SS18: variants seen among roughly 807,000 people sequenced by gnomAD.
The protein encoded by SS18 is protein SSXT.
A neutral mutation model predicts 72.5 loss-of-function variants in SS18; 28 were observed. That is an observed-to-expected ratio of 0.39 (90% CI 0.29 to 0.53). The LOEUF (loss-of-function observed/expected upper bound fraction) is 0.53. Ranked by LOEUF, SS18 falls within the 20% of genes least tolerant of loss-of-function variation. The pLI is 0.76. For missense variants in SS18, 518 were observed against 535.3 expected (o/e 0.97, Z 0.32); for synonymous variants, 172 against 164.2 (o/e 1.05, Z -0.37).
chr18:26,028,546 A>C (rs1404180435), intron 10 of SS18, among the ~76,000 whole-genome samples: 2 of 152,224 alleles, frequency 1.3e-5, no homozygotes, highest in Non-Finnish European at 2.9e-5. Context: ...GTCCCATCTC[A>C]ATGGACAAAC....
intron 5 of SS18, among the ~76,000 whole-genome samples, chr18:26,052,045 G>C (rs1041823832): frequency 6.6e-6 from 1 of 152,162 alleles, no homozygotes. Context: ...TAGCAGAACA[G>C]AGCGCCACTT....
At position 26,024,653 on chromosome 18, in the gene SS18, A is replaced by G. The variant is rs565133298; in HGVS notation, c.1231-6273T>C. Reference sequence around the variant, plus strand: ...ATATGCTTAAAAACCACTGAATGGTATACTTTAGAATGGTGACTTGTATGA... The same window carrying G: ...ATATGCTTAAAAACCACTGAATGGTGTACTTTAGAATGGTGACTTGTATGA... On this transcript the variant is annotated intron_variant, in intron 10 of 10. Coordinates refer to ENST00000415083, the MANE Select transcript of SS18 (RefSeq NM_001007559.3). 7.9e-5 allele frequency among the ~76,000 whole-genome samples: 12 copies of G among 152,324 alleles called. No individual in the cohort carries two copies. In the South Asian group the frequency reaches 1.0e-3, roughly 13 times the overall value.
chr18:26,060,135 G>GA (rs1164677373), intron 3 of SS18, among the ~76,000 whole-genome samples: 1 of 152,134 alleles, frequency 6.6e-6, no homozygotes, highest in South Asian at 2.1e-4. Flanking sequence ...TTAAAAACTG[G>GA]AAAAAACTCA....
Position 26,062,055 on chromosome 18 carries a change from G to A in SS18, c.232-4313C>T, listed in dbSNP as rs116046925. On this transcript the variant is annotated intron_variant, in intron 3 of 10. Transcript: ENST00000415083. ...GTGGGGGAATCCCTTGAGGCCAGGA[G>A]ATCGAGGCTAGCCTGGCCAACATGA... is the stretch of plus-strand genomic sequence containing the variant. Among the ~76,000 whole-genome samples the A allele has an allele frequency of 4.3e-3, 655 of 152,256 alleles. 4 individuals carry two copies. Among genetic ancestry groups the A allele is most frequent in the African/African-American group, 0.014 (590 of 41,536 alleles).
At chr18:26,044,048 G>A (rs1172766255) in intron 5 of SS18, among the ~76,000 whole-genome samples, 2 of 152,018 alleles carry the variant, frequency 1.3e-5, no homozygotes, top group Admixed American at 6.6e-5. Context: ...TGTCCCTCAG[G>A]GGACACTTAC....
intron 3 of SS18, among the ~76,000 whole-genome samples, chr18:26,063,354 C>G (rs2054158135): frequency 6.6e-6 from 1 of 152,046 alleles, no homozygotes; most frequent in Non-Finnish European, 1.5e-5. Context: ...CCTGCCTCTA[C>G]TAAAAATACA....
chr18:26,043,210 C>T (rs1204964735), intron 5 of SS18, among the ~76,000 whole-genome samples: 2 of 152,148 alleles, frequency 1.3e-5, no homozygotes, highest in African/African-American at 2.4e-5. Flanking sequence ...AGCATAGCTA[C>T]TAAATGGTCC....
intron 4 of SS18, 49 bp from the exon 5 acceptor site, chr18:26,052,894 TC>T: frequency 6.6e-7 from 1 of 1,524,210 alleles, no homozygotes; most frequent in Non-Finnish European, 9.1e-7. Flanking sequence ...AAACAGATGG[TC>T]CATACAAAAG....
intron 2 of SS18, chr18:26,083,997 A>G (rs539669304): frequency 6.6e-6 from 1 of 152,320 alleles, no homozygotes; most frequent in African/African-American, 2.4e-5. Flanking sequence ...CTTAGTTTCT[A>G]AACATCATTC....
At chr18:26,024,966 T>TA (rs59769433) in intron 10 of SS18, among the ~76,000 whole-genome samples, 152,242 of 152,242 alleles carry the variant, frequency 1, 76,121 homozygotes, top group Non-Finnish European at 1. Context: ...GGATGAAAAA[T>TA]TATTATTCTA....
At chr18:26,019,985 A>T (rs1006129018) in intron 10 of SS18, among the ~76,000 whole-genome samples, 1 of 152,124 alleles carries the variant, frequency 6.6e-6, no homozygotes, top group African/African-American at 2.4e-5. Context: ...CATTGGCAAA[A>T]TGTTGATAAA....
At chr18:26,046,854 A>C (rs1295726646) in intron 5 of SS18, among the ~76,000 whole-genome samples, 1 of 152,222 alleles carries the variant, frequency 6.6e-6, no homozygotes, top group Non-Finnish European at 1.5e-5. Context: ...ACAAAATCTA[A>C]AAGTAACATC....
At chr18:26,045,185 A>T (rs1326235338) in intron 5 of SS18, among the ~76,000 whole-genome samples, 1 of 152,200 alleles carries the variant, frequency 6.6e-6, no homozygotes, top group East Asian at 1.9e-4. Context: ...CATTTTCTAT[A>T]TAGCTGCCCA....
In SS18 at chr18:26,035,165, A is replaced by C. The variant is rs2053606980; in HGVS notation, c.974-38T>G. 1.2e-6 allele frequency: 2 copies of C among 1,604,366 alleles called. No individual in the cohort carries two copies. Among genetic ancestry groups the C allele is most frequent in the Non-Finnish European group, 1.7e-6 (2 of 1,174,446 alleles). ...TGGAGAAGAGGAAAAAAAACTGAGAAGTCTGCTTAAGTAACTTTTTTCCCT... is the reference window on the plus strand; with the variant it reads ...TGGAGAAGAGGAAAAAAAACTGAGACGTCTGCTTAAGTAACTTTTTTCCCT... On this transcript the variant is annotated intron_variant, in intron 8 of 10. Transcript: ENST00000415083. This position sits in a 1 kb window ranked among gnomAD's most constrained non-coding sequence, Gnocchi z 4.4.
intron 10 of SS18, among the ~76,000 whole-genome samples, chr18:26,022,534 A>T (rs2053370633): frequency 1.3e-5 from 2 of 152,112 alleles, no homozygotes; most frequent in Admixed American, 6.5e-5. Context: ...CATGGTAAAC[A>T]AATGAGGCCA....
chr18:26,050,710 A>T (rs891998594), intron 5 of SS18, among the ~76,000 whole-genome samples: 1 of 151,992 alleles, frequency 6.6e-6, no homozygotes, highest in African/African-American at 2.4e-5. Flanking sequence ...TTTTAAAACA[A>T]TAAAGATTTC....
upstream of SS18, chr18:26,090,689 G>A (rs3813448): frequency 3.2e-4 from 335 of 1,054,846 alleles, 3 homozygotes; most frequent in East Asian, 8.7e-3. Flanking sequence ...GGGATGCTCC[G>A]GGGCCAAGCG....
intron 3 of SS18, among the ~76,000 whole-genome samples, chr18:26,074,623 T>C (rs1006849330): frequency 1.3e-5 from 2 of 152,042 alleles, no homozygotes; most frequent in African/African-American, 4.8e-5. Context: ...ATAAGTTTAT[T>C]ATTTTTAACA....
intron 10 of SS18, among the ~76,000 whole-genome samples, chr18:26,027,423 C>T (rs192738034): frequency 2.0e-5 from 3 of 151,914 alleles, no homozygotes; most frequent in Admixed American, 6.5e-5. Context: ...CCGAAGCAGG[C>T]GGATCACGAG....
Sources: allele counts gnomAD v4.1 joint callset (sites outside exome capture counted in the v4.1 genomes callset), GRCh38; gene constraint gnomAD v4.1.1; non-coding constraint Gnocchi (gnomAD v3.1); transcripts MANE v1.5; gene names NCBI Gene and HGNC (gene_info 2026-07-23, HGNC 2026-07-21).